DST: variants seen among roughly 807,000 people sequenced by gnomAD.
DST encodes bullous pemphigoid antigen.
Under a neutral mutation model 875.2 loss-of-function variants are expected in DST, and 253 were observed. That is an observed-to-expected ratio of 0.29 (90% CI 0.26 to 0.32). DST has a LOEUF of 0.32. DST is among the 10% of genes least tolerant of loss of function. The pLI, the probability that DST is intolerant of heterozygous loss-of-function variation, is 1.00. For missense variants in DST, 8,287 were observed against 9,111.6 expected (o/e 0.91, Z 3.68); for synonymous variants, 3,124 against 3,197.1 (o/e 0.98, Z 0.77).
chr6:56,769,379 C>G (rs2099643442), intron 4 of DST, among the ~76,000 whole-genome samples: 1 of 152,140 alleles, frequency 6.6e-6, no homozygotes, highest in South Asian at 2.1e-4. Flanking sequence ...TGAGTTGTTT[C>G]TTACAAAGCT....
intron 49 of DST, among the ~76,000 whole-genome samples, chr6:56,585,000 AT>A (rs1475383242): frequency 6.6e-6 from 1 of 151,284 alleles, no homozygotes; most frequent in Non-Finnish European, 1.5e-5. Context: ...GTTTGCCAGT[AT>A]TTTATTGAGG....
intron 10 of DST, among the ~76,000 whole-genome samples, chr6:56,660,759 ATTCT>A (rs1301022656): frequency 1.3e-5 from 2 of 151,204 alleles, no homozygotes; most frequent in East Asian, 1.9e-4. Flanking sequence ...TTTTTCAAAC[ATTCT>A]TTTTTTTTTT....
intron 90 of DST, among the ~76,000 whole-genome samples, chr6:56,479,288 G>A (rs1454567040): frequency 2.0e-5 from 3 of 152,112 alleles, no homozygotes; most frequent in African/African-American, 7.2e-5. Context: ...CAAATGATGT[G>A]GATGCTGAGA....
chr6:56,489,635 T>G, intron 85 of DST, 26 bp from the exon 86 acceptor site: 1 of 1,595,700 alleles, frequency 6.3e-7, no homozygotes, highest in Non-Finnish European at 8.5e-7. Flanking sequence ...CACCTTTGTC[T>G]GAAAATTTTT....
At chr6:56,704,738 C>T (rs1186878241) in intron 5 of DST, among the ~76,000 whole-genome samples, 1 of 152,118 alleles carries the variant, frequency 6.6e-6, no homozygotes. Flanking sequence ...TTTTCACCCC[C>T]GCAGTTGATC....
intron 4 of DST, among the ~76,000 whole-genome samples, chr6:56,821,932 CCATCAAAGACTTT>C (rs1407995505): frequency 6.6e-6 from 1 of 152,072 alleles, no homozygotes; most frequent in Non-Finnish European, 1.5e-5. Flanking sequence ...TCCAAGTCTT[CCATCAAAGACTTT>C]CATCAAAGTC....
chr6:56,572,027 T>C, intron 53 of DST, 73 bp downstream of exon 53: 1 of 840,420 alleles, frequency 1.2e-6, no homozygotes, highest in Non-Finnish European at 1.7e-6. Context: ...CAGTTATCTA[T>C]ATAAGTAAAT....
intron 98 of DST, among the ~76,000 whole-genome samples, chr6:56,468,674 G>A (rs1424508060): frequency 6.6e-6 from 1 of 152,102 alleles, no homozygotes; most frequent in Non-Finnish European, 1.5e-5. Context: ...ATGAGTACTA[G>A]CATAAAATAT....
chr6:56,540,350 G>C (rs897689943), intron 61 of DST: 3 of 152,606 alleles, frequency 2.0e-5, no homozygotes, highest in Admixed American at 1.3e-4. Context: ...TCTGGGTGCT[G>C]CTTTCTTTCT....
Position 56,572,955 on chromosome 6 carries a change from G to C in DST, c.13346C>G (p.Ala4449Gly). 6.2e-7 allele frequency: 1 copy of C among 1,612,634 alleles called. No individual in the cohort carries two copies. The highest frequency in any genetic ancestry group is 8.5e-7 in the Non-Finnish European group (1 of 1,179,366). ...CCGAGCAGACAAGTCTTTCATTTTGGCTTGCAGTGAGGATGCAGTGGATGG... is the reference window on the plus strand; with the variant it reads ...CCGAGCAGACAAGTCTTTCATTTTGCCTTGCAGTGAGGATGCAGTGGATGG... ...TDPSTASSLQ[A>G]KMKDLSARFS... Residue 4449 changes from alanine to glycine, a missense_variant, in exon 52 of 104, where the codon GCC becomes GGC. By Grantham distance (60) the Ala-to-Gly change is moderately conservative. Around this residue, in one of 10 missense-constraint regions of DST, gnomAD observed 1,513 missense variants for 1,677.8 expected, o/e 0.90. Transcript: ENST00000680361.
At chr6:56,758,166 T>C (rs2099608778) in intron 4 of DST, among the ~76,000 whole-genome samples, 1 of 152,196 alleles carries the variant, frequency 6.6e-6, no homozygotes, top group South Asian at 2.1e-4. Context: ...ATTAGCTAGG[T>C]GCAAATACAC....
intron 4 of DST, among the ~76,000 whole-genome samples, chr6:56,817,452 T>C (rs905537478): frequency 2.0e-5 from 3 of 152,180 alleles, no homozygotes; most frequent in African/African-American, 7.2e-5. Flanking sequence ...TTTATGAAAA[T>C]AAAACTTTTG....
At position 56,511,406 on chromosome 6, in the gene DST, A is replaced by G; in HGVS notation, c.18577-6T>C. ...GCTATCAACTCACGCAGTTGCTATAACAAACCAAACAGCTTTTCAGTATCT... is the reference window on the plus strand; with the variant it reads ...GCTATCAACTCACGCAGTTGCTATAGCAAACCAAACAGCTTTTCAGTATCT... On this transcript the variant is annotated splice_region_variant and splice_polypyrimidine_tract_variant and intron_variant, in intron 72 of 103. Coordinates refer to ENST00000680361, the MANE Select transcript of DST (RefSeq NM_001374736.1). The G allele has an allele frequency of 1.3e-6, 2 of 1,591,030 alleles. No individual in the cohort carries two copies. The highest frequency in any genetic ancestry group is 1.7e-6 in the Non-Finnish European group (2 of 1,168,246).
At chr6:56,537,072 C>G in intron 61 of DST, 132 bp from the exon 62 acceptor site, 1 of 760,788 alleles carries the variant, frequency 1.3e-6, no homozygotes, top group Non-Finnish European at 2.1e-6. Context: ...TTTTTATTGT[C>G]TAGCCATAGG....
At chr6:56,848,605 A>G (rs538069699) in intron 4 of DST, among the ~76,000 whole-genome samples, 81 of 152,336 alleles carry the variant, frequency 5.3e-4, no homozygotes, top group African/African-American at 1.7e-3. Context: ...AACACATAAT[A>G]TATCTAAATT....
At chr6:56,908,877 C>T (rs1271408792) in intron 2 of DST, among the ~76,000 whole-genome samples, 2 of 152,214 alleles carry the variant, frequency 1.3e-5, no homozygotes, top group African/African-American at 4.8e-5. Flanking sequence ...AGGTAGTTAC[C>T]CTATATGGTC....
intron 2 of DST, among the ~76,000 whole-genome samples, chr6:56,937,217 ACC>A (rs1348740516): frequency 1.3e-5 from 2 of 152,156 alleles, no homozygotes; most frequent in Non-Finnish European, 2.9e-5. Context: ...TTAAAAAGAC[ACC>A]ATTAAGTAAA....
chr6:56,543,863 G>T (rs2097178897), intron 61 of DST, among the ~76,000 whole-genome samples: 1 of 152,122 alleles, frequency 6.6e-6, no homozygotes, highest in Non-Finnish European at 1.5e-5. Context: ...TCTAAGAGTT[G>T]AATCTTTTTT....
chr6:56,515,253 A>G (rs1190199157), intron 72 of DST, among the ~76,000 whole-genome samples, 197 bp downstream of exon 72: 2 of 90,664 alleles, frequency 2.2e-5, no homozygotes, highest in Non-Finnish European at 5.2e-5. Context: ...GACATATACA[A>G]CAAGTATATC....
Sources: gnomAD v4.1 joint callset for allele counts (sites outside exome capture counted in the v4.1 genomes callset) on GRCh38, gnomAD v4.1.1 for gene constraint, gnomAD v4.1.1 regional missense constraint, MANE v1.5 for transcripts, NCBI Gene and HGNC (gene_info 2026-07-23, HGNC 2026-07-21) for gene names.